TP73: variants seen among roughly 807,000 people sequenced by gnomAD.
TP73 encodes p53-like transcription factor.
In TP73, 25 loss-of-function variants were observed where a neutral mutation model predicts 62.5. That is an observed-to-expected ratio of 0.40 (90% CI 0.29 to 0.56). The LOEUF is 0.56. TP73 is among the 20% of genes least tolerant of loss of function. TP73 has a pLI of 0.46. For missense variants in TP73, 754 were observed against 913.3 expected (o/e 0.83, Z 2.25); for synonymous variants, 423 against 377.5 (o/e 1.12, Z -1.40).
intron 1 of TP73, among the ~76,000 whole-genome samples, chr1:3,673,633 T>C (rs1469845686): frequency 6.6e-6 from 1 of 152,104 alleles, no homozygotes; most frequent in African/African-American, 2.4e-5. Context: ...GAGAGGGAAC[T>C]GGAGTGTGTG....
chr1:3,698,191 CAAGG>C, intron 3 of TP73: 1 of 922,580 alleles, frequency 1.1e-6, no homozygotes, highest in Non-Finnish European at 1.3e-6. Context: ...GGCATGTGTG[CAAGG>C]ACACAGGATG....
At chr1:3,679,487 C>G (rs1354496717) in intron 1 of TP73, among the ~76,000 whole-genome samples, 2 of 151,830 alleles carry the variant, frequency 1.3e-5, no homozygotes, top group Non-Finnish European at 1.5e-5. Context: ...CTCTCCATCT[C>G]TCTCTGTCTC....
chr1:3,665,406 A>G (rs1645088371), intron 1 of TP73, among the ~76,000 whole-genome samples: 2 of 152,170 alleles, frequency 1.3e-5, no homozygotes, highest in Admixed American at 1.3e-4. Flanking sequence ...AGCAAAATAC[A>G]CCGTTGTAAG....
At chr1:3,705,273 C>T (rs1639530555) in intron 3 of TP73, among the ~76,000 whole-genome samples, 1 of 152,246 alleles carries the variant, frequency 6.6e-6, no homozygotes, top group South Asian at 2.1e-4. Context: ...AGGAAGAGGC[C>T]ACTGTACAGA....
intron 3 of TP73, among the ~76,000 whole-genome samples, chr1:3,691,445 A>G (rs1171119968): frequency 1.3e-5 from 2 of 151,374 alleles, no homozygotes; most frequent in Non-Finnish European, 2.9e-5. Context: ...GCTTCTTGTC[A>G]GCCCCACGGG....
At chr1:3,688,720 G>A (rs1290160316) in intron 3 of TP73, among the ~76,000 whole-genome samples, 1 of 152,190 alleles carries the variant, frequency 6.6e-6, no homozygotes, top group Non-Finnish European at 1.5e-5. Flanking sequence ...GTGGTTTTGG[G>A]TGCTTTTGAG....
At chr1:3,732,671 C>T in intron 13 of TP73, 76 bp from the exon 14 acceptor site, 2 of 1,360,636 alleles carry the variant, frequency 1.5e-6, no homozygotes, top group Non-Finnish European at 2.0e-6. Flanking sequence ...TGTGGCCAGA[C>T]CTCCAGGCCC....
chr1:3,713,959 C>T lies in TP73; in HGVS notation c.429+6168C>T, dbSNP rs537911712. On this transcript the variant is annotated intron_variant, in intron 4 of 13. Coordinates refer to ENST00000378295, the MANE Select transcript of TP73 (RefSeq NM_005427.4). Reference sequence around the variant, plus strand: ...GCAGAAGTCAGAGCCCATGGGGAAACCGCACAGGGGGATTACCTAAAGCCC... The same window carrying T: ...GCAGAAGTCAGAGCCCATGGGGAAATCGCACAGGGGGATTACCTAAAGCCC... Among the ~76,000 whole-genome samples, 168 of 152,192 alleles carry T rather than the reference C, an allele frequency of 1.1e-3. 3 individuals are homozygous for T. In the South Asian group the frequency reaches 0.032, roughly 29 times the overall value.
chr1:3,672,192 C>A lies in TP73; in HGVS notation c.-33-10141C>A, dbSNP rs2102050076. Among the ~76,000 whole-genome samples, 1 of 152,160 alleles carries A rather than the reference C, an allele frequency of 6.6e-6. No individual in the cohort carries two copies. Among genetic ancestry groups the A allele is most frequent in the East Asian group, 1.9e-4 (1 of 5,172 alleles). ...TGGGGACATCTCAGAGTGGAGCATC[C>A]CCACCAAGGGTGTCCAGAGGAGGGT... On this transcript the variant is annotated intron_variant, in intron 1 of 13. Transcript: ENST00000378295. The surrounding 1 kb of genome is among the most constrained non-coding windows in gnomAD (Gnocchi z 5.3).
intron 1 of TP73, among the ~76,000 whole-genome samples, chr1:3,673,261 G>A (rs993230992): frequency 6.6e-6 from 1 of 152,164 alleles, no homozygotes; most frequent in Non-Finnish European, 1.5e-5. Flanking sequence ...GAAGGAGCCA[G>A]GGACCCGGCA....
chr1:3,719,367 G>C (rs780111835), intron 4 of TP73, among the ~76,000 whole-genome samples: 1 of 152,212 alleles, frequency 6.6e-6, no homozygotes, highest in African/African-American at 2.4e-5. Flanking sequence ...CCCTGGCCTC[G>C]GAGAAGCCTG....
chr1:3,700,032 G>A (rs1313314819), intron 3 of TP73, among the ~76,000 whole-genome samples: 1 of 151,988 alleles, frequency 6.6e-6, no homozygotes, highest in East Asian at 1.9e-4. Context: ...TCCCAAGGAT[G>A]GGGTCCCTCG....
chr1:3,730,097 G>A lies in TP73; in HGVS notation c.1294G>A (p.Gly432Ser). 6.3e-7 allele frequency: 1 copy of A among 1,589,340 alleles called. No homozygotes were observed. Among genetic ancestry groups the A allele is most frequent in the Admixed American group, 1.8e-5 (1 of 56,600 alleles). ...GCTGCCCTCCGTCAACCAGCTGGTG[G>A]GCCAGCCTCCCCCGCACAGTTCGGC... Reference protein sequence around the residue: ...NKLPSVNQLVGQPPPHSSAAT... With the variant: ...NKLPSVNQLVSQPPPHSSAAT... The change falls in exon 11 of 14, where the codon GGC becomes AGC. Residue 432 changes from glycine to serine, a missense_variant. Physicochemically the swap from Gly to Ser is moderately conservative, Grantham distance 56. Transcript: ENST00000378295.
At chr1:3,703,079 G>C (rs1322564394) in intron 3 of TP73, among the ~76,000 whole-genome samples, 1 of 152,112 alleles carries the variant, frequency 6.6e-6, no homozygotes, top group Non-Finnish European at 1.5e-5. Flanking sequence ...GAGGCCTAAG[G>C]GGGAGGTCAG....
intron 3 of TP73, chr1:3,690,684 T>C: frequency 7.1e-7 from 1 of 1,411,948 alleles, no homozygotes; most frequent in Non-Finnish European, 9.2e-7. Flanking sequence ...ATTCAGCCAG[T>C]TGACAGAACT....
intron 1 of TP73, among the ~76,000 whole-genome samples, chr1:3,681,616 T>A (rs541515352): frequency 3.3e-5 from 5 of 152,154 alleles, no homozygotes; most frequent in Non-Finnish European, 7.4e-5. Context: ...CAGGCTTCCC[T>A]GTGGCCCTGG....
At chr1:3,668,459 A>G (rs1231815606) in intron 1 of TP73, among the ~76,000 whole-genome samples, 1 of 151,924 alleles carries the variant, frequency 6.6e-6, no homozygotes, top group Non-Finnish European at 1.5e-5. Flanking sequence ...AGCATTAAAG[A>G]TTCAGAATTT....
chr1:3,665,812 G>C (rs1209077710), intron 1 of TP73, among the ~76,000 whole-genome samples: 2 of 130,738 alleles, frequency 1.5e-5, no homozygotes, highest in African/African-American at 5.9e-5. Flanking sequence ...GAACCACCGT[G>C]CCCGGCCTTT....
intron 13 of TP73, among the ~76,000 whole-genome samples, chr1:3,732,228 G>A (rs2124550243): frequency 6.6e-6 from 1 of 152,324 alleles, no homozygotes; most frequent in South Asian, 2.1e-4. Context: ...CAGAGATGAG[G>A]GTCAGTGCGA....
Sources: allele counts gnomAD v4.1 joint callset (sites outside exome capture counted in the v4.1 genomes callset), GRCh38; gene constraint gnomAD v4.1.1; non-coding constraint Gnocchi (gnomAD v3.1); transcripts MANE v1.5; gene names NCBI Gene and HGNC (gene_info 2026-07-23, HGNC 2026-07-21).